TRPV5: variants seen among roughly 807,000 people sequenced by gnomAD.
TRPV5 encodes calcium transport protein 2.
A neutral mutation model predicts 74.1 loss-of-function variants in TRPV5; 66 were observed. That is an observed-to-expected ratio of 0.89 (90% CI 0.73 to 1.09). TRPV5 has a LOEUF of 1.09. Ranked by LOEUF, TRPV5 falls within the 50% of genes least tolerant of loss-of-function variation. TRPV5 has a pLI of 0.00. For missense variants in TRPV5, 936 were observed against 930.4 expected (o/e 1.01, Z -0.08); for synonymous variants, 399 against 360.7 (o/e 1.11, Z -1.20).
rs142927812 is a variant in TRPV5 at position 142,921,277 on chromosome 7, A to C, written c.1122+4252T>G. Among the ~76,000 whole-genome samples, 1,202 of 152,154 alleles carry C rather than the reference A, an allele frequency of 7.9e-3. 13 individuals carry two copies. Among genetic ancestry groups the C allele is most frequent in the Non-Finnish European group, 0.013 (859 of 67,994 alleles). On this transcript the variant is annotated intron_variant, in intron 8 of 14. Coordinates refer to ENST00000265310, the MANE Select transcript of TRPV5 (RefSeq NM_019841.7). The stretch of plus-strand genomic sequence containing the variant: ...CACTACATTCCTAGGCCAATCCACC[A>C]TTTTTTTAAATTTATTTATTTTGAG...
intron 1 of TRPV5, among the ~76,000 whole-genome samples, chr7:142,930,753 A>G (rs940983418): frequency 6.6e-6 from 1 of 152,164 alleles, no homozygotes; most frequent in Non-Finnish European, 1.5e-5. Context: ...AGAGTCTCTA[A>G]GAAGAGGACC....
chr7:142,915,601 G>T (rs375529103), intron 8 of TRPV5, 33 bp from the exon 9 acceptor site: 1 of 1,603,608 alleles, frequency 6.2e-7, no homozygotes, highest in African/African-American at 1.3e-5. Context: ...AGTGCTTTCT[G>T]ATGGGCAGAG....
intron 10 of TRPV5, 46 bp downstream of exon 10, chr7:142,915,261 G>T (rs1172970667): frequency 2.5e-6 from 4 of 1,602,042 alleles, no homozygotes; most frequent in South Asian, 1.1e-5. Context: ...GACAGGAAAA[G>T]ATTCTGGTAA....
chr7:142,929,391 C>T, intron 4 of TRPV5, 37 bp downstream of exon 4: 1 of 1,603,730 alleles, frequency 6.2e-7, no homozygotes. Context: ...GCCCGCCTCT[C>T]CAGCCAACCA....
intron 8 of TRPV5, among the ~76,000 whole-genome samples, chr7:142,916,941 TC>T (rs1172002667): frequency 2.0e-5 from 3 of 152,070 alleles, no homozygotes; most frequent in Non-Finnish European, 2.9e-5. Context: ...TGTAAACTTT[TC>T]TGACATTTAT....
At chr7:142,920,822 C>T (rs1795870796) in intron 8 of TRPV5, among the ~76,000 whole-genome samples, 1 of 152,178 alleles carries the variant, frequency 6.6e-6, no homozygotes, top group Non-Finnish European at 1.5e-5. Flanking sequence ...ATTGGCCTCA[C>T]CTGGCAGCTT....
chr7:142,925,275 C>A, intron 8 of TRPV5: 1 of 560,972 alleles, frequency 1.8e-6, no homozygotes, highest in Non-Finnish European at 3.2e-6. Context: ...TTCACAAAAG[C>A]ACAGGCTTAC....
At chr7:142,909,820 A>G (rs1392799673) in intron 13 of TRPV5, among the ~76,000 whole-genome samples, 3 of 152,226 alleles carry the variant, frequency 2.0e-5, no homozygotes, top group Non-Finnish European at 4.4e-5. Flanking sequence ...TGTTTTGAAT[A>G]AAATAGTTGC....
intron 8 of TRPV5, 141 bp downstream of exon 8, chr7:142,925,388 G>T: frequency 2.6e-6 from 2 of 781,470 alleles, no homozygotes; most frequent in Non-Finnish European, 4.3e-6. Context: ...CTGGTCTCAT[G>T]TCTAATTTCT....
chr7:142,929,396 C>T (rs1271947959), intron 4 of TRPV5, 32 bp downstream of exon 4: 1 of 1,605,326 alleles, frequency 6.2e-7, no homozygotes, highest in Admixed American at 1.7e-5. Flanking sequence ...CCTCTCCAGC[C>T]AACCATCCTT....
At chr7:142,921,294 T>C (rs1045837359) in intron 8 of TRPV5, among the ~76,000 whole-genome samples, 7 of 152,224 alleles carry the variant, frequency 4.6e-5, no homozygotes, top group Non-Finnish European at 1.0e-4. Flanking sequence ...TAAATTTATT[T>C]ATTTTGAGAC....
intron 8 of TRPV5, 113 bp from the exon 9 acceptor site, chr7:142,915,681 A>C (rs535476749): frequency 3.2e-6 from 3 of 927,362 alleles, no homozygotes; most frequent in Middle Eastern, 3.0e-4. Context: ...TCCCCTTCCC[A>C]CCAGCATCAC....
In TRPV5 at chr7:142,930,442, G is replaced by A; in HGVS notation, c.133C>T (p.Leu45=). Residue 45 remains leucine (L), a synonymous_variant, in exon 2 of 15, where the codon CTA becomes TTA. Transcript: ENST00000265310. Reference sequence around the variant, plus strand: ...GATGCTCGAAGCAGTGGAGACTCTAGAATCCTGGGGAAAGGTGAACGTGAG... The same window carrying A: ...GATGCTCGAAGCAGTGGAGACTCTAAAATCCTGGGGAAAGGTGAACGTGAG... ...KLHMLQQKRI[L]ESPLLRASKE... is the part of the protein sequence containing the mutation. 6.2e-7 allele frequency: 1 copy of A among 1,613,184 alleles called. No homozygotes were observed. Among genetic ancestry groups the A allele is most frequent in the Non-Finnish European group, 8.5e-7 (1 of 1,179,084 alleles).
intron 12 of TRPV5, among the ~76,000 whole-genome samples, chr7:142,913,099 C>G (rs941554757): frequency 6.6e-6 from 1 of 152,078 alleles, no homozygotes; most frequent in African/African-American, 2.4e-5. Context: ...TTTAGAAAAC[C>G]AAATACTTAA....
intron 12 of TRPV5, among the ~76,000 whole-genome samples, chr7:142,913,405 T>C (rs1795737188): frequency 6.6e-6 from 1 of 152,230 alleles, no homozygotes; most frequent in East Asian, 1.9e-4. Context: ...ACAGGGTCTA[T>C]GACAAAGCAT....
Position 142,908,388 on chromosome 7 carries a change from T to C in TRPV5, c.*126A>G. ...GTGTGAGGCATGACCCTTTAGGGAT[T>C]GTTCTGTCTCACCCTCCCATGATTA... On this transcript the variant is annotated 3_prime_UTR_variant, in exon 15 of 15. Coordinates refer to ENST00000265310, the MANE Select transcript of TRPV5 (RefSeq NM_019841.7). The C allele has an allele frequency of 9.7e-7, 1 of 1,034,290 alleles. No homozygotes were observed. Among genetic ancestry groups the C allele is most frequent in the Non-Finnish European group, 1.4e-6 (1 of 703,454 alleles). The allele number at this position is 1,034,290 out of a possible 1,614,324, so 64.1% of individuals were successfully genotyped here.
Position 142,915,311 on chromosome 7 carries a change from T to A in TRPV5, c.1282A>T (p.Ile428Phe), listed in dbSNP as rs1401475826. 1 of 1,609,448 alleles carries A rather than the reference T, an allele frequency of 6.2e-7. No individual in the cohort carries two copies. Residue 428 changes from isoleucine (I) to phenylalanine (F), a missense_variant, in exon 10 of 15, where the codon ATC (isoleucine) becomes TTC (phenylalanine). By Grantham distance (21) the Ile-to-Phe change is conservative (BLOSUM62 0). Coordinates refer to ENST00000265310, the MANE Select transcript of TRPV5 (RefSeq NM_019841.7). ...KTILGGPFHVIIITYASLVLV... is the reference protein window; with the variant it reads ...KTILGGPFHVFIITYASLVLV... Reference sequence around the variant, plus strand: ...CTGGAATGAGGGGATACTCACATGATGACATGGAATGGCCCCCCAAGAATC... The same window carrying A: ...CTGGAATGAGGGGATACTCACATGAAGACATGGAATGGCCCCCCAAGAATC...
At chr7:142,915,605 G>A (rs769108325) in intron 8 of TRPV5, 37 bp from the exon 9 acceptor site, 1 of 1,597,642 alleles carries the variant, frequency 6.3e-7, no homozygotes, top group East Asian at 2.2e-5. Context: ...CTTTCTGATG[G>A]GCAGAGTCAA....
At chr7:142,916,656 G>C (rs756346894) in intron 8 of TRPV5, among the ~76,000 whole-genome samples, 4 of 152,188 alleles carry the variant, frequency 2.6e-5, no homozygotes, top group Non-Finnish European at 5.9e-5. Context: ...CTGATGATTT[G>C]AGCCAGGGAG....
Sources: gnomAD v4.1 joint callset for allele counts (sites outside exome capture counted in the v4.1 genomes callset) on GRCh38, gnomAD v4.1.1 for gene constraint, MANE v1.5 for transcripts, NCBI Gene and HGNC (gene_info 2026-07-23, HGNC 2026-07-21) for gene names.